Variants in SCML2 observed in about 807,000 individuals in gnomAD.
SCML2 encodes the protein Scm polycomb group protein like 2.
A neutral mutation model predicts 48.4 loss-of-function variants in SCML2; 6 were observed. The ratio of observed to expected loss-of-function variants is 0.12; its 90% CI spans 0.07 to 0.24. The LOEUF (loss-of-function observed/expected upper bound fraction) is 0.24, where lower values mean the gene tolerates loss of function less well. Among genes scored for constraint, SCML2 ranks in the 10% least tolerant of loss-of-function variants. The pLI, the probability that SCML2 is intolerant of heterozygous loss-of-function variation, is 1.00. For missense variants in SCML2, 377 were observed against 528.2 expected (o/e 0.71, Z 2.81); for synonymous variants, 181 against 189.5 (o/e 0.95, Z 0.37).
chrX:18,299,354 AT>A (rs1928502737), intron 7 of SCML2, among the ~76,000 whole-genome samples: 2 of 110,188 alleles, frequency 1.8e-5, no homozygotes, highest in Admixed American at 9.7e-5. Context: ...TCTACTAAAA[AT>A]AAAAAAAAAA....
chrX:18,285,046 A>G (rs749798758), intron 7 of SCML2, among the ~76,000 whole-genome samples: 139 of 110,590 alleles, frequency 1.3e-3, no homozygotes, highest in African/African-American at 4.3e-3. Flanking sequence ...GCCTCAAAAA[A>G]AAAAAAAAAA....
intron 7 of SCML2, among the ~76,000 whole-genome samples, chrX:18,297,796 G>GT (rs752111466): frequency 9.0e-6 from 1 of 110,861 alleles, no homozygotes; most frequent in East Asian, 2.8e-4. Context: ...GGGCAACACA[G>GT]TGAGACCCTG....
chrX:18,256,740 A>T (rs1926859132), intron 11 of SCML2, 108 bp downstream of exon 11: 1 of 589,871 alleles, frequency 1.7e-6, no homozygotes, highest in African/African-American at 2.3e-5. Flanking sequence ...TACATTTCTA[A>T]TTAGTTCACT....
Position 18,341,501 on chromosome X carries a change from C to T in SCML2, c.-24-7406G>A, listed in dbSNP as rs373694022. Among the ~76,000 whole-genome samples, 60 of 111,897 alleles carry T rather than the reference C, an allele frequency of 5.4e-4. 2 individuals are homozygous for T. The East Asian group carries it at 0.013, about 24-fold the overall frequency. ...GCCTGAGGGTCCCTATGGGTCCAAT[C>T]AGACTGCCAAATTCTCTGGTTTGCC... On this transcript the variant is annotated intron_variant, in intron 1 of 14. Coordinates refer to ENST00000251900, the MANE Select transcript of SCML2 (RefSeq NM_006089.3).
At chrX:18,248,467 C>T (rs753349335) in intron 11 of SCML2, among the ~76,000 whole-genome samples, 12 of 112,110 alleles carry the variant, frequency 1.1e-4, no homozygotes, top group African/African-American at 3.9e-4. Flanking sequence ...ACTAAAAGGA[C>T]AAATAAGGTG....
intron 7 of SCML2, among the ~76,000 whole-genome samples, chrX:18,276,509 T>C (rs1017217888): frequency 2.7e-5 from 3 of 110,759 alleles, no homozygotes; most frequent in African/African-American, 6.6e-5. Flanking sequence ...TATACATACA[T>C]TGACATACAT....
At chrX:18,315,101 C>CA (rs761378739) in intron 6 of SCML2, among the ~76,000 whole-genome samples, 523 of 23,400 alleles carry the variant, frequency 0.022, 34 homozygotes, top group African/African-American at 0.026. Context: ...TCTGTCTCAC[C>CA]AAAAAAAAAA....
chrX:18,313,975 A>T (rs1355091453), intron 6 of SCML2, among the ~76,000 whole-genome samples: 1 of 111,593 alleles, frequency 9.0e-6, no homozygotes, highest in Non-Finnish European at 1.9e-5. Context: ...GACTCAAGTG[A>T]TCTTCCCATC....
intron 6 of SCML2, among the ~76,000 whole-genome samples, chrX:18,309,364 C>T (rs1928872337): frequency 9.0e-6 from 1 of 111,646 alleles, no homozygotes; most frequent in Non-Finnish European, 1.9e-5. Context: ...CTGAGGAAGG[C>T]AGTTTGGAGA....
At chrX:18,300,300 T>C (rs1980920704) in intron 7 of SCML2, among the ~76,000 whole-genome samples, 1 of 102,425 alleles carries the variant, frequency 9.8e-6, no homozygotes, top group Non-Finnish European at 2.0e-5. Context: ...CTTGGGGAGC[T>C]GAGACAGGAG....
chrX:18,302,054 T>G (rs1449860701), intron 7 of SCML2, among the ~76,000 whole-genome samples: 1 of 111,292 alleles, frequency 9.0e-6, no homozygotes, highest in Non-Finnish European at 1.9e-5. Flanking sequence ...TGAGGTAAGA[T>G]TTCTAAAGTT....
intron 1 of SCML2, among the ~76,000 whole-genome samples, chrX:18,350,439 G>T (rs59238513): frequency 1.8e-5 from 2 of 110,560 alleles, no homozygotes; most frequent in Non-Finnish European, 3.8e-5. Context: ...AGCCAGGCTC[G>T]GTGGCGCACG....
chrX:18,299,358 A>G, intron 7 of SCML2, among the ~76,000 whole-genome samples: 1 of 110,598 alleles, frequency 9.0e-6, no homozygotes, highest in Middle Eastern at 4.6e-3. Flanking sequence ...CTAAAAATAA[A>G]AAAAAAAAAA....
At chrX:18,276,149 G>A (rs368158828) in intron 7 of SCML2, among the ~76,000 whole-genome samples, 2 of 111,226 alleles carry the variant, frequency 1.8e-5, no homozygotes. Flanking sequence ...ACAAAAATCC[G>A]CCAGGCGTGG....
At chrX:18,293,878 TG>T (rs1476234613) in intron 7 of SCML2, among the ~76,000 whole-genome samples, 1 of 112,310 alleles carries the variant, frequency 8.9e-6, no homozygotes, top group Non-Finnish European at 1.9e-5. Flanking sequence ...GCTGCCAACC[TG>T]GTATTTTACC....
chrX:18,295,405 C>T (rs919900934), intron 7 of SCML2, among the ~76,000 whole-genome samples: 26 of 112,182 alleles, frequency 2.3e-4, no homozygotes, highest in Non-Finnish European at 4.7e-4. Context: ...ATGGGCCCAG[C>T]CAGCCTGCCG....
intron 12 of SCML2, among the ~76,000 whole-genome samples, chrX:18,247,368 C>T (rs750887916): frequency 1.8e-5 from 2 of 111,718 alleles, no homozygotes; most frequent in African/African-American, 6.5e-5. Context: ...AGGCTATAAA[C>T]ACCTCACTGA....
intron 5 of SCML2, among the ~76,000 whole-genome samples, chrX:18,323,447 A>G (rs1296579305): frequency 9.0e-6 from 1 of 111,644 alleles, no homozygotes; most frequent in Non-Finnish European, 1.9e-5. Context: ...GTGGAATCAT[A>G]CCCTTCCCCT....
chrX:18,335,137 T>C (rs1255988542), intron 1 of SCML2, among the ~76,000 whole-genome samples: 7 of 111,167 alleles, frequency 6.3e-5, no homozygotes, highest in Admixed American at 9.6e-5. Context: ...GATAAAGCAC[T>C]GTAATCCAGG....
Sources: gnomAD v4.1 joint callset for allele counts (sites outside exome capture counted in the v4.1 genomes callset) on GRCh38, gnomAD v4.1.1 for gene constraint, MANE v1.5 for transcripts, NCBI Gene and HGNC (gene_info 2026-07-23, HGNC 2026-07-21) for gene names.